The following SYT16 variants were observed in gnomAD, a reference collection of about 807,000 sequenced individuals.
SYT16 encodes the protein synaptotagmin-16.
Under a neutral mutation model 61.4 loss-of-function variants are expected in SYT16, and 42 were observed. The ratio of observed to expected loss-of-function variants is 0.68; its 90% confidence interval spans 0.53 to 0.89. The LOEUF (loss-of-function observed/expected upper bound fraction) is 0.89. SYT16 is among the 40% of genes least tolerant of loss of function. SYT16 has a pLI of 0.00. For synonymous variants in SYT16, 314 were observed against 302.3 expected, an observed-to-expected ratio of 1.04 and a Z score of -0.40; for missense variants, 804 against 807.3, an observed-to-expected ratio of 1.00 and a Z score of 0.05.
chr14:62,095,107 G>T (rs898308644), intron 7 of SYT16, among the ~76,000 whole-genome samples: 2 of 152,036 alleles, frequency 1.3e-5, no homozygotes, highest in African/African-American at 2.4e-5. Flanking sequence ...TCTTAGAATG[G>T]TGGATATCGT....
At chr14:61,934,934 G>T (rs1289118497) in intron 1 of SYT16, among the ~76,000 whole-genome samples, 1 of 152,148 alleles carries the variant, frequency 6.6e-6, no homozygotes, top group Admixed American at 6.5e-5. Context: ...CGTGAACTCA[G>T]TACAGTTTTG....
chr14:61,956,743 C>G (rs533108744), intron 1 of SYT16, among the ~76,000 whole-genome samples: 6 of 151,878 alleles, frequency 4.0e-5, no homozygotes, highest in African/African-American at 1.4e-4. Context: ...TGTGCTACCT[C>G]TAGCTTTTGT....
chr14:61,974,121 G>A (rs570823895), intron 2 of SYT16, among the ~76,000 whole-genome samples: 17 of 152,290 alleles, frequency 1.1e-4, no homozygotes, highest in Admixed American at 8.5e-4. Context: ...AGAAGACGCC[G>A]CTGCTACAGT....
intron 1 of SYT16, chr14:61,832,098 G>A: frequency 1.4e-6 from 1 of 730,676 alleles, no homozygotes; most frequent in Admixed American, 1.8e-5. Context: ...GTTCATCTCA[G>A]CAAAGCTCTC....
intron 1 of SYT16, among the ~76,000 whole-genome samples, chr14:61,957,361 T>C (rs1367550078): frequency 1.3e-5 from 2 of 151,886 alleles, no homozygotes; most frequent in Non-Finnish European, 3.0e-5. Context: ...TTGGAGCTCA[T>C]AGTATGGTCA....
chr14:61,910,819 G>A (rs1238662861), intron 1 of SYT16, among the ~76,000 whole-genome samples: 3 of 152,162 alleles, frequency 2.0e-5, no homozygotes, highest in African/African-American at 4.8e-5. Context: ...GTGAGCCACC[G>A]TGCCCGGCCA....
intron 3 of SYT16, among the ~76,000 whole-genome samples, chr14:62,015,483 CCTT>C (rs2053634481): frequency 1.6e-5 from 1 of 62,344 alleles, no homozygotes; most frequent in South Asian, 4.9e-4. Flanking sequence ...TTTGCCTTGA[CCTT>C]CTCCTCCCAA....
chr14:61,938,061 A>T (rs1156683316), intron 1 of SYT16, among the ~76,000 whole-genome samples: 1 of 151,808 alleles, frequency 6.6e-6, no homozygotes, highest in Admixed American at 6.6e-5. Context: ...ACACACACAG[A>T]GTGTTTCAGA....
At chr14:61,881,079 A>G (rs1305198583) in intron 1 of SYT16, among the ~76,000 whole-genome samples, 1 of 152,176 alleles carries the variant, frequency 6.6e-6, no homozygotes, top group African/African-American at 2.4e-5. Context: ...GCTCTCTTCC[A>G]TCACTACCTC....
intron 7 of SYT16, among the ~76,000 whole-genome samples, chr14:62,095,769 G>GT (rs926331564): frequency 1.8e-4 from 27 of 151,586 alleles, no homozygotes; most frequent in African/African-American, 4.4e-4. Context: ...ATCTTGTTTT[G>GT]TTTTTTACAG....
At chr14:61,934,045 C>T (rs1476691485) in intron 1 of SYT16, among the ~76,000 whole-genome samples, 1 of 151,926 alleles carries the variant, frequency 6.6e-6, no homozygotes, top group Non-Finnish European at 1.5e-5. Context: ...TCATGTATTA[C>T]TATTGTTTTT....
intron 1 of SYT16, among the ~76,000 whole-genome samples, chr14:61,966,775 T>A (rs1044184547): frequency 2.0e-5 from 3 of 152,218 alleles, no homozygotes; most frequent in Admixed American, 6.5e-5. Flanking sequence ...CTAAGACCTA[T>A]CTTAATGTAA....
intron 2 of SYT16, among the ~76,000 whole-genome samples, chr14:61,980,832 AG>A (rs1170688436): frequency 6.6e-6 from 1 of 152,226 alleles, no homozygotes. Flanking sequence ...GATGTACTTT[AG>A]ATAGGACTGA....
rs71117856 is a variant in SYT16, at chr14:61,820,469, G to GTTTTT, written c.-325+7685_-325+7689dup. On this transcript the variant is annotated intron_variant, in intron 1 of 7. Coordinates refer to ENST00000683842, the MANE Select transcript of SYT16 (RefSeq NM_001367656.1). ...ATATGCTTCAGGGCACCTCTTCAGA[G>GTTTTT]TTTTTTTTTTTTTTTTTTTTTTTTT... 6.4e-3 allele frequency among the ~76,000 whole-genome samples: 393 copies of GTTTTT among 61,100 alleles called. 86 individuals carry two copies. The highest frequency in any genetic ancestry group is 0.012 in the East Asian group (21 of 1,712). The allele number at this position is 61,100 out of a possible 152,430, so 40.1% of individuals were successfully genotyped here.
chr14:61,947,907 T>A (rs1205091060), intron 1 of SYT16, among the ~76,000 whole-genome samples: 10 of 152,170 alleles, frequency 6.6e-5, no homozygotes, highest in Admixed American at 5.9e-4. Context: ...GGACTTTACC[T>A]GTGGAGAAAG....
At chr14:62,096,635 T>C (rs1003450370) in intron 7 of SYT16, among the ~76,000 whole-genome samples, 1 of 152,120 alleles carries the variant, frequency 6.6e-6, no homozygotes, top group African/African-American at 2.4e-5. Flanking sequence ...AAAATTCTAT[T>C]AAATATATTT....
chr14:61,918,330 T>TC (rs943667042), intron 1 of SYT16, among the ~76,000 whole-genome samples: 2 of 151,716 alleles, frequency 1.3e-5, no homozygotes, highest in Admixed American at 6.6e-5. Context: ...AACCAAAGCA[T>TC]CCCCCCAGAG....
intron 1 of SYT16, among the ~76,000 whole-genome samples, chr14:61,827,688 A>G (rs1479350522): frequency 6.6e-6 from 1 of 151,890 alleles, no homozygotes. Flanking sequence ...TGGATTATTT[A>G]CACACTTTTG....
chr14:61,895,216 G>C (rs1282410954), intron 1 of SYT16, among the ~76,000 whole-genome samples: 2 of 152,182 alleles, frequency 1.3e-5, no homozygotes, highest in African/African-American at 2.4e-5. Context: ...CTTAACCTCT[G>C]ATGGTTTCCC....
Sources: allele counts gnomAD v4.1 joint callset (sites outside exome capture counted in the v4.1 genomes callset), GRCh38; gene constraint gnomAD v4.1.1; transcripts MANE v1.5; gene names NCBI Gene and HGNC (gene_info 2026-07-23, HGNC 2026-07-21).